The following GREB1L variants were observed in gnomAD, a reference collection of about 807,000 sequenced individuals.
The protein encoded by GREB1L is GREB1 like retinoic acid receptor coactivator, also known as GREB1-like protein.
In GREB1L, 17 loss-of-function variants were observed where a neutral mutation model predicts 200.8. That is an observed-to-expected ratio of 0.08 (90% CI 0.06 to 0.13). GREB1L has a LOEUF of 0.13. Ranked by LOEUF, GREB1L falls within the 10% of genes least tolerant of loss-of-function variation. The pLI, the probability that GREB1L is intolerant of heterozygous loss-of-function variation, is 1.00. For missense variants in GREB1L, 1,657 were observed against 2,367.7 expected (o/e 0.70, Z 6.23); for synonymous variants, 789 against 893.0 (o/e 0.88, Z 2.08).
At chr18:21,275,911 C>T (rs914970481) in intron 1 of GREB1L, among the ~76,000 whole-genome samples, 1 of 152,158 alleles carries the variant, frequency 6.6e-6, no homozygotes, top group African/African-American at 2.4e-5. Context: ...ACGTCAAAAC[C>T]AGCGATGTTT....
chr18:21,513,752 C>T (rs910180804), intron 27 of GREB1L, 69 bp from the exon 28 acceptor site: 3 of 1,416,014 alleles, frequency 2.1e-6, no homozygotes, highest in Non-Finnish European at 2.9e-6. Context: ...ATATAGCTGC[C>T]TGTGGGGCTT....
At chr18:21,482,550 C>T (rs1465528719) in intron 17 of GREB1L, among the ~76,000 whole-genome samples, 2 of 151,880 alleles carry the variant, frequency 1.3e-5, no homozygotes, top group East Asian at 3.9e-4. Flanking sequence ...TGAGCCACCG[C>T]GCCTGGCCTG....
intron 32 of GREB1L, among the ~76,000 whole-genome samples, chr18:21,522,439 A>G (rs2037619839): frequency 6.6e-6 from 1 of 152,142 alleles, no homozygotes; most frequent in African/African-American, 2.4e-5. Flanking sequence ...GCACCACTGC[A>G]CTCCAGCCTG....
At position 21,500,006 on chromosome 18, in the gene GREB1L, C is replaced by T; in HGVS notation, c.3669C>T (p.Gly1223=). ...GACAGCCCATCAGAGGCTGCCGGGG[C>T]CCACAGGCAGCCCTGCCACCAGTGG... ...WPGQPIRGCR[G]PQAALPPVVI... Residue 1223 remains glycine (G), a synonymous_variant, in exon 22 of 33, where the codon GGC becomes GGT. Coordinates refer to ENST00000424526, the MANE Select transcript of GREB1L (RefSeq NM_001142966.3). 2 of 1,551,434 alleles carry T rather than the reference C, an allele frequency of 1.3e-6. No homozygotes were observed. The highest frequency in any genetic ancestry group is 1.7e-6 in the Non-Finnish European group (2 of 1,146,990).
At chr18:21,403,089 A>G (rs533411849) in intron 6 of GREB1L, among the ~76,000 whole-genome samples, 2 of 152,176 alleles carry the variant, frequency 1.3e-5, no homozygotes, top group Non-Finnish European at 2.9e-5. Flanking sequence ...ACTCTAAAGG[A>G]CCATCTGTAA....
At chr18:21,248,448 G>T (rs2037643110) in intron 1 of GREB1L, among the ~76,000 whole-genome samples, 1 of 152,140 alleles carries the variant, frequency 6.6e-6, no homozygotes, top group African/African-American at 2.4e-5. Context: ...AATAATATGG[G>T]TGAACATATT....
intron 32 of GREB1L, among the ~76,000 whole-genome samples, chr18:21,522,351 G>A (rs895996532): frequency 1.1e-4 from 16 of 151,884 alleles, no homozygotes; most frequent in Non-Finnish European, 1.5e-4. Context: ...GCAGACACCT[G>A]TAGTCTCAGC....
chr18:21,498,337 C>T (rs1469768), intron 21 of GREB1L, among the ~76,000 whole-genome samples: 72,955 of 151,946 alleles, frequency 0.48, 20,910 homozygotes, highest in Non-Finnish European at 0.64. Context: ...TGCCCTGCTC[C>T]CCCAGCCAGG....
intron 18 of GREB1L, 26 bp from the exon 19 acceptor site, chr18:21,489,986 T>C: frequency 6.6e-7 from 1 of 1,525,284 alleles, no homozygotes. Flanking sequence ...GCTGCCTGAG[T>C]GCTAGTGCCT....
chr18:21,336,389 G>A (rs952395095), intron 1 of GREB1L, among the ~76,000 whole-genome samples: 39 of 152,188 alleles, frequency 2.6e-4, no homozygotes, highest in Admixed American at 7.9e-4. Context: ...CCTTCCTTCC[G>A]TGAAGTGACC....
chr18:21,351,801 T>C (rs946072831), intron 1 of GREB1L, among the ~76,000 whole-genome samples: 23 of 152,176 alleles, frequency 1.5e-4, no homozygotes, highest in African/African-American at 5.3e-4. Flanking sequence ...TCATGGAAAG[T>C]TTTGCAAAGC....
chr18:21,377,265 GAA>G (rs74271353), intron 2 of GREB1L, among the ~76,000 whole-genome samples: 1 of 143,216 alleles, frequency 7.0e-6, no homozygotes, highest in Admixed American at 7.0e-5. Flanking sequence ...AGGTTGGAAG[GAA>G]AAAAAAAAAG....
chr18:21,502,356 G>A (rs2036833655), intron 23 of GREB1L, among the ~76,000 whole-genome samples: 1 of 152,040 alleles, frequency 6.6e-6, no homozygotes, highest in South Asian at 2.1e-4. Context: ...AGGAAGTAGA[G>A]GCAACCAGGC....
chr18:21,400,151 AACTC>A (rs2041258261), intron 5 of GREB1L, among the ~76,000 whole-genome samples: 1 of 151,948 alleles, frequency 6.6e-6, no homozygotes, highest in Non-Finnish European at 1.5e-5. Context: ...CAACTAGAAG[AACTC>A]ACTCTTATTG....
At chr18:21,250,027 G>A (rs750217070) in intron 1 of GREB1L, among the ~76,000 whole-genome samples, 14 of 152,124 alleles carry the variant, frequency 9.2e-5, no homozygotes, top group Non-Finnish European at 1.9e-4. Flanking sequence ...AATTTTCTAC[G>A]GGTGTCATTG....
intron 18 of GREB1L, among the ~76,000 whole-genome samples, chr18:21,487,151 C>A (rs139748341): frequency 4.1e-4 from 62 of 152,302 alleles, no homozygotes; most frequent in African/African-American, 1.5e-3. Flanking sequence ...GCATTCCTAC[C>A]CACCTGTTAC....
chr18:21,246,774 G>A (rs1262403229), intron 1 of GREB1L, among the ~76,000 whole-genome samples: 1 of 152,066 alleles, frequency 6.6e-6, no homozygotes, highest in Non-Finnish European at 1.5e-5. Context: ...AGATATAAAC[G>A]ATATTTAAGT....
intron 1 of GREB1L, among the ~76,000 whole-genome samples, chr18:21,295,622 CCAGGCCTTGAGCATATG>C (rs1387171276): frequency 1.3e-5 from 2 of 152,184 alleles, no homozygotes; most frequent in South Asian, 2.1e-4. Flanking sequence ...TTTGTACCTG[CCAGGCCTTGAGCATATG>C]CAGGAGTATA....
At chr18:21,399,703 T>G (rs2041239015) in intron 5 of GREB1L, among the ~76,000 whole-genome samples, 1 of 152,188 alleles carries the variant, frequency 6.6e-6, no homozygotes. Context: ...CGGTAATAAG[T>G]TGTTAATTCT....
Sources: gnomAD v4.1 joint callset for allele counts (sites outside exome capture counted in the v4.1 genomes callset) on GRCh38, gnomAD v4.1.1 for gene constraint, MANE v1.5 for transcripts, NCBI Gene and HGNC (gene_info 2026-07-23, HGNC 2026-07-21) for gene names.